The following MIDEAS variants were observed in gnomAD, a reference collection of about 807,000 sequenced individuals.
The protein encoded by MIDEAS is mitotic deacetylase-associated SANT domain protein.
In MIDEAS, 26 loss-of-function variants were observed where a neutral mutation model predicts 102.7. The ratio of observed to expected loss-of-function variants is 0.25; its 90% CI spans 0.19 to 0.35. The LOEUF is 0.35. Among genes scored for constraint, MIDEAS ranks in the 10% least tolerant of loss-of-function variants. The pLI, the probability that MIDEAS is intolerant of heterozygous loss-of-function variation, is 1.00. For synonymous variants in MIDEAS, 585 were observed against 591.0 expected (o/e 0.99, Z 0.15); for missense variants, 1,231 against 1,435.6 (o/e 0.86, Z 2.30).
chr14:73,736,094 T>G (rs1214110693), intron 3 of MIDEAS, among the ~76,000 whole-genome samples: 5 of 151,942 alleles, frequency 3.3e-5, no homozygotes, highest in Non-Finnish European at 7.4e-5. Flanking sequence ...GAGGTTGCAG[T>G]GAGCTGAGAT....
In MIDEAS at chr14:73,740,250, T is replaced by C. The variant is rs1169610966; in HGVS notation, c.-242A>G. On this transcript the variant is annotated 5_prime_UTR_variant, in exon 2 of 13. Transcript: ENST00000423556. ...CAGTTCATGATGCTCCACAGGGTTC[T>C]GGCACCTGCAGAGGGAAGAGCAGTG... is the stretch of plus-strand genomic sequence containing the variant. 5 of 428,944 alleles carry C rather than the reference T, an allele frequency of 1.2e-5. No homozygotes were observed. The highest frequency in any genetic ancestry group is 1.0e-4 in the African/African-American group (5 of 49,166). The allele number at this position is 428,944 out of a possible 1,614,324, so 26.6% of individuals were successfully genotyped here.
At position 73,716,250 on chromosome 14, in the gene MIDEAS, T is replaced by A. The variant is rs2052886899; in HGVS notation, c.*2593A>T. On this transcript the variant is annotated 3_prime_UTR_variant, in exon 13 of 13. Transcript: ENST00000423556. ...TCTAAACTTTTTAATTTTCACACTG[T>A]ATCCTAGACATGAATGCATAAAATA... 1 of 152,362 alleles carries A rather than the reference T, an allele frequency of 6.6e-6. No homozygotes were observed. Among genetic ancestry groups the A allele is most frequent in the African/African-American group, 2.4e-5 (1 of 41,456 alleles). The allele number at this position is 152,362 out of a possible 1,614,324, so 9.4% of individuals were successfully genotyped here. A position where few individuals can be genotyped will look rare whatever the true frequency, so the allele number is the denominator to read the frequency against.
chr14:73,740,442 G>A (rs1464826053), intron 1 of MIDEAS, among the ~76,000 whole-genome samples, 187 bp from the exon 2 acceptor site: 2 of 152,194 alleles, frequency 1.3e-5, no homozygotes, highest in Non-Finnish European at 2.9e-5. Flanking sequence ...GCTGCCAGGA[G>A]GGCAGGAGAA....
intron 9 of MIDEAS, 102 bp from the exon 10 acceptor site, chr14:73,722,949 G>A: frequency 2.1e-6 from 3 of 1,422,188 alleles, no homozygotes; most frequent in Non-Finnish European, 2.9e-6. Context: ...TTAACTTCAA[G>A]CCAAAATGAA....
chr14:73,784,143 G>A (rs954954350), intron 1 of MIDEAS, among the ~76,000 whole-genome samples: 1 of 152,214 alleles, frequency 6.6e-6, no homozygotes, highest in African/African-American at 2.4e-5. Flanking sequence ...AAAATCTCTT[G>A]TCAAGTTTTG....
chr14:73,729,406 G>C (rs1251007488), intron 4 of MIDEAS, among the ~76,000 whole-genome samples: 1 of 152,214 alleles, frequency 6.6e-6, no homozygotes, highest in Admixed American at 6.5e-5. Context: ...ACTTGCAAAA[G>C]TGGATGTAAT....
chr14:73,784,761 A>G (rs777068285), intron 1 of MIDEAS, among the ~76,000 whole-genome samples: 14 of 152,210 alleles, frequency 9.2e-5, no homozygotes, highest in Non-Finnish European at 1.9e-4. Context: ...GACTCCTACC[A>G]TAGTGCTGCT....
At chr14:73,749,134 C>G (rs1379891932) in intron 1 of MIDEAS, among the ~76,000 whole-genome samples, 1 of 152,098 alleles carries the variant, frequency 6.6e-6, no homozygotes, top group Non-Finnish European at 1.5e-5. Context: ...ACCTGGAAGA[C>G]CTATATAGAA....
intron 1 of MIDEAS, among the ~76,000 whole-genome samples, chr14:73,785,184 T>C (rs2140183617): frequency 6.6e-6 from 1 of 152,348 alleles, no homozygotes; most frequent in Non-Finnish European, 1.5e-5. Context: ...GGTTGAGATT[T>C]AGAATGTGAA....
At chr14:73,726,363 T>A (rs2053061023) in intron 7 of MIDEAS, among the ~76,000 whole-genome samples, 1 of 152,086 alleles carries the variant, frequency 6.6e-6, no homozygotes, top group East Asian at 1.9e-4. Flanking sequence ...TCAGCAACCA[T>A]CCAGTCTGAG....
At chr14:73,769,019 T>C (rs2053617537) in intron 1 of MIDEAS, among the ~76,000 whole-genome samples, 1 of 152,208 alleles carries the variant, frequency 6.6e-6, no homozygotes, top group African/African-American at 2.4e-5. Context: ...TCATCCCTTC[T>C]GTTCTCTGCT....
chr14:73,745,587 T>A (rs1271535746), intron 1 of MIDEAS, among the ~76,000 whole-genome samples: 1 of 152,212 alleles, frequency 6.6e-6, no homozygotes, highest in Non-Finnish European at 1.5e-5. Context: ...CATTCTGGGG[T>A]CTCCAGCTAT....
chr14:73,787,338 C>A (rs1354862467), upstream of MIDEAS: 1 of 151,100 alleles, frequency 6.6e-6, no homozygotes, highest in African/African-American at 2.4e-5. Flanking sequence ...TGGCCCCAGG[C>A]GCCGTCTCCC....
chr14:73,738,751 C>T lies in MIDEAS; in HGVS notation c.1258G>A (p.Gly420Ser), dbSNP rs2053238450. 6.2e-7 allele frequency: 1 copy of T among 1,610,188 alleles called. No homozygotes were observed. Among genetic ancestry groups the T allele is most frequent in the Non-Finnish European group, 8.5e-7 (1 of 1,178,044 alleles). ...LPDGERLAPN[G>S]REREAPAMGS... is the part of the protein sequence containing the mutation. ...ATGGCAGGAGCCTCTCGCTCCCGGC[C>T]ATTGGGTGCTAGTCTCTCCCCATCA... Residue 420 changes from glycine to serine, a missense_variant, in exon 2 of 13, where the codon GGC (glycine) becomes AGC (serine). Transcript: ENST00000423556.
intron 1 of MIDEAS, among the ~76,000 whole-genome samples, chr14:73,750,771 G>GAC (rs1236906207): frequency 6.6e-6 from 1 of 152,214 alleles, no homozygotes; most frequent in East Asian, 1.9e-4. Flanking sequence ...CTCGTCCGAG[G>GAC]ACACACAGCC....
upstream of MIDEAS, among the ~76,000 whole-genome samples, chr14:73,764,002 T>C (rs2053573203): frequency 2.0e-5 from 3 of 152,214 alleles, no homozygotes. Context: ...TTTTTACTGT[T>C]TTACCCTGTA....
At chr14:73,746,399 G>A (rs925879951) in intron 1 of MIDEAS, among the ~76,000 whole-genome samples, 3 of 152,196 alleles carry the variant, frequency 2.0e-5, no homozygotes, top group Admixed American at 2.0e-4. Context: ...AGAGTCACAG[G>A]CAGCCCTGGA....
chr14:73,739,011 G>C lies in MIDEAS; in HGVS notation c.998C>G (p.Pro333Arg). ...KALLQDSAPQ[P>R]ALPQVQIPFP... ...GGGGATCTGGACCTGAGGTAGCGCT[G>C]GCTGCGGGGCTGAGTCCTGCAGAAG... Residue 333 changes from proline (P) to arginine (R), a missense_variant, in exon 2 of 13, where the codon CCA (proline) becomes CGA (arginine). This residue lies in a region of MIDEAS where 758 missense variants were observed against 856.0 expected (regional missense o/e 0.89). Coordinates refer to ENST00000423556, the MANE Select transcript of MIDEAS (RefSeq NM_001367710.1). 1 of 1,538,804 alleles carries C rather than the reference G, an allele frequency of 6.5e-7. No individual in the cohort carries two copies. Among genetic ancestry groups the C allele is most frequent in the Non-Finnish European group, 8.8e-7 (1 of 1,142,570 alleles).
intron 1 of MIDEAS, among the ~76,000 whole-genome samples, chr14:73,756,295 T>TGTGTGTGTATGTGTGCGCGCGC (rs55692592): frequency 2.4e-5 from 3 of 127,626 alleles, no homozygotes; most frequent in African/African-American, 8.0e-5. Context: ...TGTGTGTGTG[T>TGTGTGTGTATGTGTGCGCGCGC]GCGCGCGCGC....
Sources: gnomAD v4.1 joint callset for allele counts (sites outside exome capture counted in the v4.1 genomes callset) on GRCh38, gnomAD v4.1.1 for gene constraint, gnomAD v4.1.1 regional missense constraint, MANE v1.5 for transcripts, NCBI Gene and HGNC (gene_info 2026-07-23, HGNC 2026-07-21) for gene names.